MOB3C: variants seen among roughly 807,000 people sequenced by gnomAD.
MOB3C encodes the protein MOB1, Mps One Binder kinase activator-like 2C.
MOB3C carries 17 observed loss-of-function variants against 19.8 expected under a neutral mutation model. That is an observed-to-expected ratio of 0.86 (90% CI 0.59 to 1.29). MOB3C has a LOEUF of 1.29. MOB3C is among the 50% of genes most tolerant of loss of function. The pLI is 0.00. For missense variants in MOB3C, 291 were observed against 301.9 expected (o/e 0.96, Z 0.27); for synonymous variants, 101 against 119.2 (o/e 0.85, Z 0.99).
chr1:46,609,821 CT>C lies in MOB3C; in HGVS notation c.622-138del, dbSNP rs543233736. 150 of 1,347,564 alleles carry C rather than the reference CT, an allele frequency of 1.1e-4. 1 individual carries two copies. The African/African-American group carries it at 1.8e-3, about 16-fold the overall frequency. The allele number at this position is 1,347,564 out of a possible 1,614,324, so 83.5% of individuals were successfully genotyped here. A position where few individuals can be genotyped will look rare whatever the true frequency, so the allele number is the denominator to read the frequency against. On this transcript the variant is annotated intron_variant, in intron 3 of 3. Transcript: ENST00000319928. The stretch of plus-strand genomic sequence containing the variant: ...CAACCCCAACTCTTAGGCTGCAGAT[CT>C]GGGTTTGTAAACCAACACTTGAATG...
chr1:46,614,125 G>GTTGCT (rs1675523941), intron 1 of MOB3C: 1 of 152,304 alleles, frequency 6.6e-6, no homozygotes, highest in Non-Finnish European at 1.5e-5. Flanking sequence ...ACACTCAGTA[G>GTTGCT]ACATTCCTCT....
intron 1 of MOB3C, chr1:46,614,636 T>A (rs1675531119): frequency 3.7e-6 from 1 of 271,848 alleles, no homozygotes; most frequent in Non-Finnish European, 6.9e-6. Flanking sequence ...CCTTTAGCCC[T>A]ACCCTGAGGC....
chr1:46,610,580 T>A (rs1675447530), intron 2 of MOB3C, among the ~76,000 whole-genome samples: 1 of 152,098 alleles, frequency 6.6e-6, no homozygotes, highest in Admixed American at 6.5e-5. Context: ...ACAGGGTTTC[T>A]CCATGTTGGT....
In MOB3C at chr1:46,609,562, CT is replaced by C. The variant is rs1675425854; in HGVS notation, c.*92del. 6.6e-7 allele frequency: 1 copy of C among 1,513,644 alleles called. No individual in the cohort carries two copies. The highest frequency in any genetic ancestry group is 2.3e-5 in the East Asian group (1 of 44,098). 93.8% of individuals were successfully genotyped at this position (1,513,644 alleles called of 1,614,324 possible). On this transcript the variant is annotated 3_prime_UTR_variant, in exon 4 of 4. Coordinates refer to ENST00000319928, the MANE Select transcript of MOB3C (RefSeq NM_201403.3). ...TGGGTGTGTGGAGTGATTCCAGTGCCTTCAGATTCCTTCAGGCTCCTGGGGG... is the reference window on the plus strand; with the variant it reads ...TGGGTGTGTGGAGTGATTCCAGTGCCTCAGATTCCTTCAGGCTCCTGGGGG...
In MOB3C at chr1:46,611,589, C is replaced by T. The variant is rs1675470749; in HGVS notation, c.418+1315G>A. Among the ~76,000 whole-genome samples, 1 of 152,198 alleles carries T rather than the reference C, an allele frequency of 6.6e-6. No individual in the cohort carries two copies. Among genetic ancestry groups the T allele is most frequent in the Non-Finnish European group, 1.5e-5 (1 of 68,044 alleles). Reference sequence around the variant, plus strand: ...GCTGGCCCACCCGGCTCTGTAGACCCCCTCCTCTTCCTCACCATTCCCAGG... The same window carrying T: ...GCTGGCCCACCCGGCTCTGTAGACCTCCTCCTCTTCCTCACCATTCCCAGG... On this transcript the variant is annotated intron_variant, in intron 2 of 3. Coordinates refer to ENST00000319928, the MANE Select transcript of MOB3C (RefSeq NM_201403.3). This position sits in a 1 kb window ranked among gnomAD's most constrained non-coding sequence, Gnocchi z 4.1.
Position 46,613,219 on chromosome 1 carries a change from G to A in MOB3C, c.103C>T (p.Gln35Ter). The stretch of plus-strand genomic sequence containing the variant: ...TCCAGGCCCGACTTGAGAGAGGCCT[G>A]TGCCTTCTTGTACAGCTCAAAGCGC... ...TQRFELYKKA[Q>*]ASLKSGLDLR... Residue 35 changes from glutamine (Q) to a stop codon, truncating the protein, a stop_gained, in exon 2 of 4, where the codon CAG (glutamine) becomes TAG (stop). Coordinates refer to ENST00000319928, the MANE Select transcript of MOB3C (RefSeq NM_201403.3). LOFTEE classifies it high-confidence loss of function. 2 of 1,614,198 alleles carry A rather than the reference G, an allele frequency of 1.2e-6. No individual in the cohort carries two copies. Among genetic ancestry groups the A allele is most frequent in the Non-Finnish European group, 1.7e-6 (2 of 1,180,038 alleles).
In MOB3C at chr1:46,610,065, G is replaced by GC; in HGVS notation, c.557_558insG (p.Tyr186Ter). 6.2e-7 allele frequency: 1 copy of GC among 1,614,258 alleles called. No individual in the cohort carries two copies. The highest frequency in any genetic ancestry group is 8.5e-7 in the Non-Finnish European group (1 of 1,180,056). ...MGAEAHVNTC[Y>*]KHFYYFIREF... ...CGCGGATGAAGTAGTAGAAGTGCTT[G>GC]TAGCAGGTGTTGACGTGCGCCTCTG... The change falls in exon 3 of 4, where the codon TAC becomes TAGC. Residue 186 changes from tyrosine (Y) to a stop codon, truncating the protein, a stop_gained and frameshift_variant. Transcript: ENST00000319928. LOFTEE classifies it high-confidence loss of function.
At chr1:46,609,963 CTAG>C in intron 3 of MOB3C, 36 bp downstream of exon 3, 1 of 1,611,188 alleles carries the variant, frequency 6.2e-7, no homozygotes, top group Non-Finnish European at 8.5e-7. Context: ...AACTCAGAGG[CTAG>C]CCTTGGTAGG....
At chr1:46,613,544 CTATG>C in intron 1 of MOB3C, 173 bp from the exon 2 acceptor site, 1 of 633,208 alleles carries the variant, frequency 1.6e-6, no homozygotes. Context: ...TCTTTCCAGG[CTATG>C]TTAGTCCCCC....
chr1:46,609,421 G>A lies in MOB3C; in HGVS notation c.*234C>T. On this transcript the variant is annotated 3_prime_UTR_variant, in exon 4 of 4. Coordinates refer to ENST00000319928, the MANE Select transcript of MOB3C (RefSeq NM_201403.3). Reference sequence around the variant, plus strand: ...TACCCTACTCCCAGACTTCATGCCAGAGGTTTAACTCCACTTCCCTTCTGT... The same window carrying A: ...TACCCTACTCCCAGACTTCATGCCAAAGGTTTAACTCCACTTCCCTTCTGT... 1.7e-6 allele frequency: 1 copy of A among 605,492 alleles called. No homozygotes were observed. The highest frequency in any genetic ancestry group is 2.8e-5 in the Admixed American group (1 of 36,036). 37.5% of individuals were successfully genotyped at this position (605,492 alleles called of 1,614,324 possible).
In MOB3C at chr1:46,612,989, C is replaced by A; in HGVS notation, c.333G>T (p.Lys111Asn). The A allele has an allele frequency of 6.2e-7, 1 of 1,611,964 alleles. No individual in the cohort carries two copies. Residue 111 changes from lysine (K) to asparagine (N), a missense_variant, in exon 2 of 4, where the codon AAG becomes AAT. Lys to Asn is a moderately conservative substitution (Grantham distance 94). Transcript: ENST00000319928. ...ATGCCATATAGCGCGGCGCAGAGAGCTTGGCGGGCCGCCGGTACTGGCGCT... is the reference window on the plus strand; with the variant it reads ...ATGCCATATAGCGCGGCGCAGAGAGATTGGCGGGCCGCCGGTACTGGCGCT... ...QDERQYRRPA[K>N]LSAPRYMALL...
At chr1:46,613,426 T>G in intron 1 of MOB3C, 55 bp from the exon 2 acceptor site, 1 of 1,448,550 alleles carries the variant, frequency 6.9e-7, no homozygotes. Flanking sequence ...TCATCTGGGC[T>G]CTGACTTCCC....
chr1:46,610,379 C>A (rs1302100500), intron 2 of MOB3C, among the ~76,000 whole-genome samples, 175 bp from the exon 3 acceptor site: 1 of 152,172 alleles, frequency 6.6e-6, no homozygotes, highest in Non-Finnish European at 1.5e-5. Flanking sequence ...TTCTTTCTTT[C>A]TTCCTTTCTT....
intron 1 of MOB3C, 120 bp downstream of exon 1, chr1:46,616,591 C>T (rs1463754746): frequency 6.6e-6 from 1 of 151,964 alleles, no homozygotes; most frequent in African/African-American, 2.4e-5. Context: ...CAGCGGCCAG[C>T]CTGCCTTCGG....
Position 46,609,337 on chromosome 1 carries a change from C to T in MOB3C, c.*318G>A, listed in dbSNP as rs1381973046. 1 of 460,496 alleles carries T rather than the reference C, an allele frequency of 2.2e-6. No individual in the cohort carries two copies. The highest frequency in any genetic ancestry group is 4.0e-6 in the Non-Finnish European group (1 of 251,104). 28.5% of individuals were successfully genotyped at this position (460,496 alleles called of 1,614,324 possible). On this transcript the variant is annotated 3_prime_UTR_variant, in exon 4 of 4. Coordinates refer to ENST00000319928, the MANE Select transcript of MOB3C (RefSeq NM_201403.3). ...TCACCTCGGCCACACCCACATTCCT[C>T]CAATAGGCTTGGGAACCAGCATGGA...
intron 2 of MOB3C, 25 bp from the exon 3 acceptor site, chr1:46,610,229 G>A (rs928943079): frequency 3.1e-6 from 5 of 1,610,766 alleles, no homozygotes; most frequent in Non-Finnish European, 3.4e-6. Flanking sequence ...AGGGCAGAAG[G>A]GGATCAGTAT....
intron 2 of MOB3C, among the ~76,000 whole-genome samples, 174 bp downstream of exon 2, chr1:46,612,730 C>G (rs923287158): frequency 2.6e-5 from 4 of 151,938 alleles, no homozygotes; most frequent in African/African-American, 9.7e-5. Flanking sequence ...GTCAGGAAGT[C>G]CTAGCAAATG....
chr1:46,612,007 G>A (rs1675475489), intron 2 of MOB3C, among the ~76,000 whole-genome samples: 2 of 152,150 alleles, frequency 1.3e-5, no homozygotes, highest in South Asian at 2.1e-4. Flanking sequence ...AGCTACAGGT[G>A]CGGCTGGTGT....
chr1:46,615,331 C>T (rs912696319), intron 1 of MOB3C: 56 of 468,412 alleles, frequency 1.2e-4, no homozygotes, highest in Non-Finnish European at 1.8e-4. Flanking sequence ...GTTTTCTTAT[C>T]CCTCCACCTG....
Sources: gnomAD v4.1 joint callset for allele counts (sites outside exome capture counted in the v4.1 genomes callset) on GRCh38, gnomAD v4.1.1 for gene constraint, Gnocchi (gnomAD v3.1) non-coding constraint, MANE v1.5 for transcripts, NCBI Gene and HGNC (gene_info 2026-07-23, HGNC 2026-07-21) for gene names.